The following LARGE1 variants were observed in gnomAD, a reference collection of about 807,000 sequenced individuals.
The protein encoded by LARGE1 is LARGE xylosyl- and glucuronyltransferase 1, also known as xylosyl- and glucuronyltransferase LARGE1.
A neutral mutation model predicts 87.6 loss-of-function variants in LARGE1; 43 were observed. The observed-to-expected ratio is 0.49, with a 90% CI of 0.38 to 0.63. The LOEUF (loss-of-function observed/expected upper bound fraction) is 0.63. LARGE1 is among the 30% of genes least tolerant of loss of function. LARGE1 has a pLI of 0.00. For missense variants in LARGE1, 802 were observed against 1,000.2 expected (o/e 0.80, Z 2.67); for synonymous variants, 434 against 394.6 (o/e 1.10, Z -1.18).
intron 11 of LARGE1, among the ~76,000 whole-genome samples, chr22:33,241,489 T>C (rs535251554): frequency 8.9e-4 from 136 of 152,208 alleles, no homozygotes; most frequent in African/African-American, 2.9e-3. Context: ...CTCCATCATA[T>C]GTATTAAGTG....
chr22:33,394,601 T>C (rs1356115048), intron 7 of LARGE1, among the ~76,000 whole-genome samples: 1 of 152,142 alleles, frequency 6.6e-6, no homozygotes, highest in African/African-American at 2.4e-5. Context: ...ATTTTACAGA[T>C]GAAGAAACTA....
intron 11 of LARGE1, among the ~76,000 whole-genome samples, chr22:33,169,363 T>C (rs1922438358): frequency 1.3e-5 from 2 of 152,120 alleles, no homozygotes; most frequent in South Asian, 4.1e-4. Flanking sequence ...GAATTTGTGC[T>C]TGATGTGGGT....
Position 33,865,429 on chromosome 22 carries a change from T to C in LARGE1, c.-83+54566A>G, listed in dbSNP as rs2064061723. On this transcript the variant is annotated intron_variant, in intron 1 of 14. Coordinates refer to ENST00000397394, the MANE Select transcript of LARGE1 (RefSeq NM_133642.5). ...AAAGTGACACTGACACAACTCCACT[T>C]TGTGCAAATAAATGTTTTCAACCTA... 2.0e-5 allele frequency among the ~76,000 whole-genome samples: 3 copies of C among 152,200 alleles called. No homozygotes were observed. The East Asian group carries it at 5.8e-4, about 29-fold the overall frequency.
At chr22:33,493,210 G>A (rs1166765889) in intron 6 of LARGE1, among the ~76,000 whole-genome samples, 1 of 148,736 alleles carries the variant, frequency 6.7e-6, no homozygotes, top group Non-Finnish European at 1.5e-5. Context: ...GCCCAGGCTG[G>A]AGTGCAGTGG....
intron 1 of LARGE1, among the ~76,000 whole-genome samples, chr22:33,918,693 CCTTAT>C (rs2065856636): frequency 6.6e-6 from 1 of 152,172 alleles, no homozygotes; most frequent in South Asian, 2.1e-4. Flanking sequence ...TAGAAGCTTT[CCTTAT>C]CTTAAGTCTA....
chr22:33,423,640 A>T (rs947652308), intron 7 of LARGE1, among the ~76,000 whole-genome samples: 1 of 147,526 alleles, frequency 6.8e-6, no homozygotes, highest in African/African-American at 2.5e-5. Context: ...AGATTGCACC[A>T]CTGCCCTCCA....
chr22:33,823,849 G>A (rs1166991267), intron 1 of LARGE1, among the ~76,000 whole-genome samples: 1 of 152,114 alleles, frequency 6.6e-6, no homozygotes, highest in African/African-American at 2.4e-5. Flanking sequence ...CCTGTTTAAA[G>A]GGCACGTCTC....
intron 5 of LARGE1, among the ~76,000 whole-genome samples, chr22:33,596,205 T>C (rs1378190658): frequency 1.3e-5 from 2 of 152,214 alleles, no homozygotes; most frequent in African/African-American, 4.8e-5. Context: ...AAAAAGTGAA[T>C]TGAACAAATG....
intron 7 of LARGE1, among the ~76,000 whole-genome samples, chr22:33,392,262 A>C (rs1448412942): frequency 6.6e-6 from 1 of 152,054 alleles, no homozygotes; most frequent in African/African-American, 2.4e-5. Flanking sequence ...GCTTAATATC[A>C]ATATGATTCT....
intron 6 of LARGE1, among the ~76,000 whole-genome samples, chr22:33,490,101 A>G (rs1471533978): frequency 6.6e-6 from 1 of 152,348 alleles, no homozygotes; most frequent in East Asian, 1.9e-4. Flanking sequence ...CTTAGGCATA[A>G]TTACTTGCTC....
intron 6 of LARGE1, among the ~76,000 whole-genome samples, chr22:33,491,828 A>C (rs1395509571): frequency 6.6e-6 from 1 of 152,224 alleles, no homozygotes; most frequent in Non-Finnish European, 1.5e-5. Flanking sequence ...AACAGAAAAG[A>C]CGAGGAATTC....
chr22:33,085,097 A>G, the LARGE1 span, among the ~76,000 whole-genome samples: 1 of 152,178 alleles, frequency 6.6e-6, no homozygotes, highest in Admixed American at 6.5e-5. Flanking sequence ...CCAACATGGC[A>G]AAACCCCGTC....
At chr22:33,832,875 G>A (rs1159687508) in intron 1 of LARGE1, among the ~76,000 whole-genome samples, 2 of 152,364 alleles carry the variant, frequency 1.3e-5, no homozygotes, top group South Asian at 4.1e-4. Context: ...AGTGCTAAAT[G>A]TTATTAGACG....
chr22:33,086,368 G>A, the LARGE1 span, among the ~76,000 whole-genome samples: 1 of 152,032 alleles, frequency 6.6e-6, no homozygotes, highest in Non-Finnish European at 1.5e-5. Flanking sequence ...TTCTAAATTT[G>A]CAAGCATTTT....
intron 11 of LARGE1, among the ~76,000 whole-genome samples, chr22:33,231,245 A>G (rs1925991812): frequency 2.0e-5 from 3 of 152,148 alleles, no homozygotes; most frequent in Admixed American, 2.0e-4. Context: ...CGTGCCCTCA[A>G]CTCTGGGTTG....
In LARGE1 at chr22:33,384,207, T is replaced by C. The variant is rs952229781; in HGVS notation, c.990A>G (p.Thr330=). The C allele has an allele frequency of 3.1e-6, 5 of 1,613,440 alleles. No individual in the cohort carries two copies. In the African/African-American group the frequency reaches 5.3e-5, roughly 17 times the overall value. Residue 330 remains threonine, a synonymous_variant, in exon 8 of 15, where the codon ACA becomes ACG. Transcript: ENST00000397394. ...AERELMGMLS[T]SLADQDIFNA... ...GGCCACTCACCTGGTCAGCTAAGGA[T>C]GTAGAGAGCATGCCCATGAGCTCCC...
chr22:33,409,882 TAAG>T (rs2066246130), intron 7 of LARGE1, among the ~76,000 whole-genome samples: 1 of 145,038 alleles, frequency 6.9e-6, no homozygotes. Flanking sequence ...AAAAAAAAGA[TAAG>T]AAATCTTGGT....
At chr22:33,761,759 T>C (rs2084739919) in intron 1 of LARGE1, among the ~76,000 whole-genome samples, 1 of 152,030 alleles carries the variant, frequency 6.6e-6, no homozygotes, top group Non-Finnish European at 1.5e-5. Flanking sequence ...TAACAAAAAC[T>C]GTAAGCTCGC....
intron 6 of LARGE1, among the ~76,000 whole-genome samples, chr22:33,538,959 G>A (rs2077113587): frequency 6.6e-6 from 1 of 152,306 alleles, no homozygotes; most frequent in South Asian, 2.1e-4. Flanking sequence ...AAATAATTCA[G>A]TGGATCTGAG....
Sources: gnomAD v4.1 joint callset for allele counts (sites outside exome capture counted in the v4.1 genomes callset) on GRCh38, gnomAD v4.1.1 for gene constraint, MANE v1.5 for transcripts, NCBI Gene and HGNC (gene_info 2026-07-23, HGNC 2026-07-21) for gene names.